TIGAR: variants seen among roughly 807,000 people sequenced by gnomAD.
TIGAR encodes the protein fructose-2,6-bisphosphatase TIGAR.
In TIGAR, 7 loss-of-function variants were observed where a neutral mutation model predicts 17.9. That is an observed-to-expected ratio of 0.39 (90% CI 0.22 to 0.73). The LOEUF (loss-of-function observed/expected upper bound fraction) is 0.73. Among genes scored for constraint, TIGAR ranks in the 30% least tolerant of loss-of-function variants. TIGAR has a pLI of 0.42. For synonymous variants in TIGAR, 94 were observed against 108.6 expected, an observed-to-expected ratio of 0.87 and a Z score of 0.84; for missense variants, 258 against 327.4, an observed-to-expected ratio of 0.79 and a Z score of 1.64.
chr12:4,352,385 A>G lies in TIGAR; in HGVS notation c.507A>G (p.Ile169Met), dbSNP rs1461845864. The change falls in exon 6 of 6, where the codon ATA becomes ATG. Residue 169 changes from isoleucine to methionine, a missense_variant. Physicochemically the swap from Ile to Met is conservative, Grantham distance 10. Transcript: ENST00000179259. ...GTCTGGAAACTTCTTTGGCAGAGAT[A>G]TTTCCTTTAGGAAAAAATCACAGCT... ...SNCLETSLAE[I>M]FPLGKNHSSK... 3 of 1,614,058 alleles carry G rather than the reference A, an allele frequency of 1.9e-6. No individual in the cohort carries two copies. The highest frequency in any genetic ancestry group is 2.2e-5 in the South Asian group (2 of 91,088).
chr12:4,335,085 T>C lies in TIGAR; in HGVS notation c.71-1954T>C, dbSNP rs947261837. 4.6e-5 allele frequency among the ~76,000 whole-genome samples: 7 copies of C among 152,190 alleles called. No individual in the cohort carries two copies. In the East Asian group the frequency reaches 1.3e-3, roughly 29 times the overall value. ...GGAGTTTCACTCTTGTTGCCCAGGC[T>C]GGAGTGCAGTGGTGTGATCTTGACT... On this transcript the variant is annotated intron_variant, in intron 2 of 5. Transcript: ENST00000179259.
At position 4,352,698 on chromosome 12, in the gene TIGAR, A is replaced by G. The variant is rs199830585; in HGVS notation, c.*7A>G. 1 of 1,593,474 alleles carries G rather than the reference A, an allele frequency of 6.3e-7. No homozygotes were observed. The highest frequency in any genetic ancestry group is 2.2e-5 in the East Asian group (1 of 44,774). On this transcript the variant is annotated 3_prime_UTR_variant, in exon 6 of 6. Coordinates refer to ENST00000179259, the MANE Select transcript of TIGAR (RefSeq NM_020375.3). ...ACTGACTGAAACTCGCTAAGGTTAA[A>G]TCTGCATCAAAATCTAACCATTTTG... is the stretch of plus-strand genomic sequence containing the variant.
chr12:4,342,442 A>T (rs776875522), intron 3 of TIGAR, among the ~76,000 whole-genome samples: 11 of 152,220 alleles, frequency 7.2e-5, no homozygotes, highest in African/African-American at 2.7e-4. Flanking sequence ...TGTCAGATTC[A>T]CCAAAGTTGA....
intron 1 of TIGAR, among the ~76,000 whole-genome samples, chr12:4,327,371 T>A (rs893288794): frequency 6.8e-6 from 1 of 146,862 alleles, no homozygotes; most frequent in Admixed American, 6.9e-5. Flanking sequence ...ATCACACCAC[T>A]GCACTCCAGC....
intron 1 of TIGAR, among the ~76,000 whole-genome samples, chr12:4,328,578 ATT>A (rs1383839257): frequency 1.5e-4 from 21 of 137,048 alleles, no homozygotes; most frequent in Non-Finnish European, 1.4e-4. Context: ...AGTTCCATGT[ATT>A]TTTTTTTTTT....
In TIGAR at chr12:4,353,902, G is replaced by A. The variant is rs1420269572; in HGVS notation, c.*1211G>A. 6.6e-6 allele frequency: 1 copy of A among 152,580 alleles called. No individual in the cohort carries two copies. The highest frequency in any genetic ancestry group is 1.5e-5 in the Non-Finnish European group (1 of 68,030). The allele number at this position is 152,580 out of a possible 1,614,324, so 9.5% of individuals were successfully genotyped here. ...TGTTGCTCTGATAACCACAGCTGTGGTTATTTTGTGGCAGGTACAGGTGAG... is the reference window on the plus strand; with the variant it reads ...TGTTGCTCTGATAACCACAGCTGTGATTATTTTGTGGCAGGTACAGGTGAG... On this transcript the variant is annotated 3_prime_UTR_variant, in exon 6 of 6. Coordinates refer to ENST00000179259, the MANE Select transcript of TIGAR (RefSeq NM_020375.3).
In TIGAR at chr12:4,333,754, G is replaced by A. The variant is rs535992591; in HGVS notation, c.70+2437G>A. ...GCTGGGATTGCAGGCGTTAGCCACCGCGCCTGGCCTAATTTTTGTATTTTT... is the reference window on the plus strand; with the variant it reads ...GCTGGGATTGCAGGCGTTAGCCACCACGCCTGGCCTAATTTTTGTATTTTT... On this transcript the variant is annotated intron_variant, in intron 2 of 5. Transcript: ENST00000179259. Among the ~76,000 whole-genome samples, 9 of 151,934 alleles carry A rather than the reference G, an allele frequency of 5.9e-5. No homozygotes were observed. In the East Asian group the frequency reaches 9.7e-4, roughly 16 times the overall value.
At chr12:4,333,552 T>C (rs1272945885) in intron 2 of TIGAR, among the ~76,000 whole-genome samples, 5 of 152,148 alleles carry the variant, frequency 3.3e-5, no homozygotes, top group Non-Finnish European at 7.4e-5. Context: ...TCCTGCAACC[T>C]CCACCTCCCG....
chr12:4,326,091 G>T (rs1442128776), intron 1 of TIGAR, among the ~76,000 whole-genome samples: 1 of 152,206 alleles, frequency 6.6e-6, no homozygotes, highest in East Asian at 1.9e-4. Context: ...AATGAATGAT[G>T]TATATTTGTA....
rs778944651 is a variant in TIGAR, at chr12:4,357,434, G to A, written c.*4743G>A. On this transcript the variant is annotated 3_prime_UTR_variant, in exon 6 of 6. Coordinates refer to ENST00000179259, the MANE Select transcript of TIGAR (RefSeq NM_020375.3). ...CTGGGCTGAGTACCTGCTATCAGACGCAGCACTTACCAGTTTGGAAATTGA... is the reference window on the plus strand; with the variant it reads ...CTGGGCTGAGTACCTGCTATCAGACACAGCACTTACCAGTTTGGAAATTGA... Among the ~76,000 whole-genome samples the A allele has an allele frequency of 6.6e-6, 1 of 152,172 alleles. No homozygotes were observed. The highest frequency in any genetic ancestry group is 2.4e-5 in the African/African-American group (1 of 41,430).
intron 2 of TIGAR, among the ~76,000 whole-genome samples, chr12:4,336,436 C>T (rs1267369238): frequency 7.1e-6 from 1 of 141,744 alleles, no homozygotes; most frequent in East Asian, 2.1e-4. Flanking sequence ...TCTGTGGGCC[C>T]AGCAATGCAG....
chr12:4,350,126 GAACTT>G (rs1431453920), intron 4 of TIGAR, among the ~76,000 whole-genome samples: 2 of 152,182 alleles, frequency 1.3e-5, no homozygotes, highest in African/African-American at 2.4e-5. Flanking sequence ...ACGCTCATAA[GAACTT>G]AACACAGTAT....
chr12:4,339,478 A>ATTG (rs1864696377), intron 3 of TIGAR, among the ~76,000 whole-genome samples: 2 of 152,204 alleles, frequency 1.3e-5, no homozygotes, highest in Non-Finnish European at 2.9e-5. Flanking sequence ...CATCTAAAGT[A>ATTG]CTAATACCAA....
intron 1 of TIGAR, among the ~76,000 whole-genome samples, chr12:4,326,771 G>C (rs1360551154): frequency 2.6e-5 from 4 of 152,058 alleles, no homozygotes; most frequent in African/African-American, 9.7e-5. Flanking sequence ...TATCTACTTT[G>C]ATTAAATAAA....
At chr12:4,342,183 A>G (rs1399225713) in intron 3 of TIGAR, among the ~76,000 whole-genome samples, 1 of 152,224 alleles carries the variant, frequency 6.6e-6, no homozygotes, top group Non-Finnish European at 1.5e-5. Flanking sequence ...AGAGGTTTAG[A>G]GAAAAAAGAA....
chr12:4,351,695 C>T (rs1243644485), intron 5 of TIGAR, among the ~76,000 whole-genome samples: 1 of 152,130 alleles, frequency 6.6e-6, no homozygotes, highest in Non-Finnish European at 1.5e-5. Flanking sequence ...GGTGAAATAA[C>T]TCAAAACATG....
chr12:4,321,415 G>GGGCT lies in TIGAR; in HGVS notation c.32+114_32+115insCTGG. 6.7e-7 allele frequency: 1 copy of GGGCT among 1,483,330 alleles called. No individual in the cohort carries two copies. Among genetic ancestry groups the GGGCT allele is most frequent in the Non-Finnish European group, 9.2e-7 (1 of 1,090,570 alleles). 91.9% of individuals were successfully genotyped at this position (1,483,330 alleles called of 1,614,324 possible). ...CTCCCCTCCCTGCTCGCTCCAGCCC[G>GGGCT]GGAGGGCTGGCTTGGAAGCGCTTTT... On this transcript the variant is annotated intron_variant, in intron 1 of 5. Transcript: ENST00000179259. The surrounding 1 kb of genome is among the most constrained non-coding windows in gnomAD (Gnocchi z 5.2).
intron 1 of TIGAR, chr12:4,324,633 G>A (rs1864518972): frequency 2.1e-6 from 3 of 1,455,084 alleles, no homozygotes; most frequent in Admixed American, 1.9e-5. Context: ...CCTTGCGCAG[G>A]CGCTTCAGCA....
chr12:4,347,435 A>T (rs1306267279), intron 3 of TIGAR, among the ~76,000 whole-genome samples: 6 of 152,308 alleles, frequency 3.9e-5, no homozygotes, highest in Non-Finnish European at 8.8e-5. Context: ...GGAAGTGGGG[A>T]TGGTTAATGG....
Sources: allele counts gnomAD v4.1 joint callset (sites outside exome capture counted in the v4.1 genomes callset), GRCh38; gene constraint gnomAD v4.1.1; non-coding constraint Gnocchi (gnomAD v3.1); transcripts MANE v1.5; gene names NCBI Gene and HGNC (gene_info 2026-07-23, HGNC 2026-07-21).